Variants in BEAN1 observed in about 807,000 individuals in gnomAD.
The protein encoded by BEAN1 is protein BEAN1.
Under a neutral mutation model 17.7 loss-of-function variants are expected in BEAN1, and 17 were observed. The ratio of observed to expected loss-of-function variants is 0.96; its 90% confidence interval spans 0.66 to 1.44. The LOEUF is 1.44. BEAN1 is among the 40% of genes most tolerant of loss of function. The pLI is 0.00. For synonymous variants in BEAN1, 142 were observed against 151.8 expected, an observed-to-expected ratio of 0.94 and a Z score of 0.47; for missense variants, 359 against 374.1, an observed-to-expected ratio of 0.96 and a Z score of 0.33.
At chr16:66,440,286 C>T (rs1962204720) in intron 2 of BEAN1, among the ~76,000 whole-genome samples, 1 of 152,044 alleles carries the variant, frequency 6.6e-6, no homozygotes, top group African/African-American at 2.4e-5. Context: ...CCCACCACCA[C>T]ACCTGGCTAA....
chr16:66,438,569 C>T (rs1288001115), intron 2 of BEAN1, among the ~76,000 whole-genome samples: 1 of 152,186 alleles, frequency 6.6e-6, no homozygotes, highest in Admixed American at 6.5e-5. Context: ...CATGAAGTTC[C>T]TCATTCGCGG....
chr16:66,480,895 C>T lies in BEAN1; in HGVS notation c.750C>T (p.Ala250=), dbSNP rs1567510063. ...GSQGSPTPTR[A]PASGPERIV is the part of the protein sequence containing the mutation. ...AGGGCTCACCCACCCCAACCCGGGC[C>T]CCAGCCTCTGGCCCAGAGAGGATTG... The change falls in exon 5 of 5, where the codon GCC becomes GCT. Residue 250 remains alanine (A), a synonymous_variant. Transcript: ENST00000536005. 1.4e-6 allele frequency: 2 copies of T among 1,465,472 alleles called. No individual in the cohort carries two copies. Among genetic ancestry groups the T allele is most frequent in the East Asian group, 5.0e-5 (2 of 39,966 alleles). 90.8% of individuals were successfully genotyped at this position (1,465,472 alleles called of 1,614,324 possible).
intron 1 of BEAN1, chr16:66,428,331 G>C (rs907614628): frequency 3.3e-5 from 5 of 152,534 alleles, no homozygotes; most frequent in Admixed American, 2.6e-4. Flanking sequence ...AAGGGAGGGC[G>C]CAAGTAACTG....
In BEAN1 at chr16:66,482,765, A is replaced by T. The variant is rs1964024922; in HGVS notation, c.*1840A>T. ...CTGGACTAGGCAATGAATAAGCAAC[A>T]ATGTATCTTTTCTGTGTTCAAAATA... On this transcript the variant is annotated 3_prime_UTR_variant, in exon 5 of 5. Coordinates refer to ENST00000536005, the MANE Select transcript of BEAN1 (RefSeq NM_001178020.3). 2 of 427,274 alleles carry T rather than the reference A, an allele frequency of 4.7e-6. No homozygotes were observed. Among genetic ancestry groups the T allele is most frequent in the East Asian group, 7.1e-5 (1 of 14,040 alleles). 26.5% of individuals were successfully genotyped at this position (427,274 alleles called of 1,614,324 possible).
intron 2 of BEAN1, among the ~76,000 whole-genome samples, chr16:66,458,100 C>T (rs1335183942): frequency 6.6e-6 from 1 of 152,132 alleles, no homozygotes; most frequent in East Asian, 1.9e-4. Flanking sequence ...AGTCCTTGGC[C>T]CCCCTTCTCC....
At chr16:66,456,271 A>G (rs1962863061) in intron 2 of BEAN1, among the ~76,000 whole-genome samples, 1 of 152,212 alleles carries the variant, frequency 6.6e-6, no homozygotes. Flanking sequence ...TTACATGTCA[A>G]TTATTCACTA....
chr16:66,486,889 G>A (rs1431769038), downstream of BEAN1, among the ~76,000 whole-genome samples: 2 of 152,214 alleles, frequency 1.3e-5, no homozygotes, highest in Admixed American at 6.5e-5. Flanking sequence ...GGCGGAGAGT[G>A]GTTGCTAAGC....
At chr16:66,456,759 C>T (rs933843871) in intron 2 of BEAN1, among the ~76,000 whole-genome samples, 2 of 152,072 alleles carry the variant, frequency 1.3e-5, no homozygotes, top group Non-Finnish European at 2.9e-5. Flanking sequence ...TTCTTTAAGC[C>T]GGAGTTAAAA....
At position 66,471,464 on chromosome 16, in the gene BEAN1, G is replaced by A. The variant is rs143585402; in HGVS notation, c.289+1599G>A. ...AGGGAGCTGGAGGTGTCGGGGAGAC[G>A]CCCCTGGGAGCCGCCCCGTGGGCTC... On this transcript the variant is annotated intron_variant, in intron 3 of 4. Coordinates refer to ENST00000536005, the MANE Select transcript of BEAN1 (RefSeq NM_001178020.3). The surrounding 1 kb of genome is among the most constrained non-coding windows in gnomAD (Gnocchi z 4.7). Among the ~76,000 whole-genome samples the A allele has an allele frequency of 3.1e-3, 478 of 152,352 alleles. 1 individual carries two copies. The highest frequency in any genetic ancestry group is 0.011 in the African/African-American group (448 of 41,582).
chr16:66,484,821 G>A (rs904476153), downstream of BEAN1: 3 of 454,144 alleles, frequency 6.6e-6, no homozygotes, highest in Admixed American at 2.3e-5. This position sits in a 1 kb window ranked among gnomAD's most constrained non-coding sequence, Gnocchi z 4.2. Flanking sequence ...CCTCAGGTGG[G>A]AGAGACGGGT....
At position 66,427,907 on chromosome 16, in the gene BEAN1, G is replaced by A. The variant is rs1961643222; in HGVS notation, c.-83+476G>A. 6.6e-6 allele frequency: 1 copy of A among 152,318 alleles called. No individual in the cohort carries two copies. Among genetic ancestry groups the A allele is most frequent in the South Asian group, 2.1e-4 (1 of 4,822 alleles). The allele number at this position is 152,318 out of a possible 1,614,324, so 9.4% of individuals were successfully genotyped here. On this transcript the variant is annotated intron_variant, in intron 1 of 4. Transcript: ENST00000536005. The surrounding 1 kb of genome is among the most constrained non-coding windows in gnomAD (Gnocchi z 4.7). Reference sequence around the variant, plus strand: ...AAGGGGCTGGGGCTTCACGGAGTTTGGAGTTTGAACCCACCCGCACCCCTT... The same window carrying A: ...AAGGGGCTGGGGCTTCACGGAGTTTAGAGTTTGAACCCACCCGCACCCCTT...
chr16:66,449,152 A>G (rs1186941799), intron 2 of BEAN1, among the ~76,000 whole-genome samples: 2 of 152,074 alleles, frequency 1.3e-5, no homozygotes, highest in South Asian at 2.1e-4. Flanking sequence ...TGAATTTTAT[A>G]TATATGGAGT....
At chr16:66,494,484 G>A (rs915103885), downstream of BEAN1, among the ~76,000 whole-genome samples, 60 of 152,040 alleles carry the variant, frequency 3.9e-4, no homozygotes, top group African/African-American at 1.4e-3. Context: ...CCCAGAGAAG[G>A]GCCCCTCCCT....
intron 1 of BEAN1, among the ~76,000 whole-genome samples, chr16:66,428,916 C>T (rs763214409): frequency 5.3e-5 from 8 of 152,178 alleles, no homozygotes; most frequent in Non-Finnish European, 1.2e-4. Flanking sequence ...GGCTCTCTAC[C>T]GCCCAGCCCA....
chr16:66,469,974 G>A (rs1470518616), intron 3 of BEAN1, 109 bp downstream of exon 3: 2 of 1,397,402 alleles, frequency 1.4e-6, no homozygotes, highest in Non-Finnish European at 1.9e-6. Context: ...GGGTGGTCGG[G>A]AAAGCATCCT....
At chr16:66,452,927 A>G (rs117740671) in intron 2 of BEAN1, among the ~76,000 whole-genome samples, 3,175 of 152,152 alleles carry the variant, frequency 0.021, 50 homozygotes, top group Non-Finnish European at 0.032. Flanking sequence ...CCCCCCAACT[A>G]AAAATTGTCT....
intron 1 of BEAN1, among the ~76,000 whole-genome samples, chr16:66,433,185 TG>T (rs962227177): frequency 6.6e-6 from 1 of 152,188 alleles, no homozygotes; most frequent in Non-Finnish European, 1.5e-5. Flanking sequence ...CTTGGCTCAC[TG>T]CAACCCCCAC....
At chr16:66,467,424 G>A (rs1963295130) in intron 2 of BEAN1, among the ~76,000 whole-genome samples, 1 of 152,188 alleles carries the variant, frequency 6.6e-6, no homozygotes, top group Non-Finnish European at 1.5e-5. Context: ...GAGAGAATGA[G>A]TACAAGCAGG....
intron 2 of BEAN1, among the ~76,000 whole-genome samples, chr16:66,455,317 A>G (rs1041176780): frequency 6.6e-6 from 1 of 152,236 alleles, no homozygotes; most frequent in Non-Finnish European, 1.5e-5. Flanking sequence ...TACAACAGCA[A>G]GTAATGTAAT....
Sources: gnomAD v4.1 joint callset for allele counts (sites outside exome capture counted in the v4.1 genomes callset) on GRCh38, gnomAD v4.1.1 for gene constraint, Gnocchi (gnomAD v3.1) non-coding constraint, MANE v1.5 for transcripts, NCBI Gene and HGNC (gene_info 2026-07-23, HGNC 2026-07-21) for gene names.